Variants in SLC23A1 observed in about 807,000 individuals in gnomAD.
SLC23A1 encodes the protein Na(+)/L-ascorbic acid transporter 1.
In SLC23A1, 31 loss-of-function variants were observed where a neutral mutation model predicts 62.5. The ratio of observed to expected loss-of-function variants is 0.50; its 90% CI spans 0.37 to 0.67. The LOEUF is 0.67. Ranked by LOEUF, SLC23A1 falls within the 30% of genes least tolerant of loss-of-function variation. The probability of loss-of-function intolerance (pLI) is 0.00; values close to 1 mark genes in which losing one functional copy is unlikely to be tolerated. For synonymous variants in SLC23A1, 271 were observed against 313.2 expected, an observed-to-expected ratio of 0.87 and a Z score of 1.42; for missense variants, 640 against 782.7, an observed-to-expected ratio of 0.82 and a Z score of 2.18.
At chr5:139,368,086 A>G (rs1022972450) in intron 14 of SLC23A1, among the ~76,000 whole-genome samples, 1 of 152,234 alleles carries the variant, frequency 6.6e-6, no homozygotes, top group African/African-American at 2.4e-5. Context: ...CTGTAATCCC[A>G]GCACTTTGGG....
rs2152070139 is a variant in SLC23A1, at chr5:139,379,183, T to C, written c.1073+24A>G. 1 of 1,613,116 alleles carries C rather than the reference T, an allele frequency of 6.2e-7. No individual in the cohort carries two copies. Among genetic ancestry groups the C allele is most frequent in the Non-Finnish European group, 8.5e-7 (1 of 1,179,276 alleles). On this transcript the variant is annotated intron_variant, in intron 9 of 14. Coordinates refer to ENST00000348729, the MANE Select transcript of SLC23A1 (RefSeq NM_005847.5). This position sits in a 1 kb window ranked among gnomAD's most constrained non-coding sequence, Gnocchi z 4.7. ...CTGGGTGGCGCCTGAGGAGATCAGA[T>C]ACTGAGGAGGGCAGGTAGGCTACCT... is the stretch of plus-strand genomic sequence containing the variant.
At chr5:139,383,355 T>C (rs1758384784), upstream of SLC23A1, 13 of 1,545,564 alleles carry the variant, frequency 8.4e-6, no homozygotes, top group Non-Finnish European at 1.8e-6. Flanking sequence ...TTGTTTGAAG[T>C]AAATCTGTAA....
At chr5:139,372,834 T>C (rs568157879) in intron 13 of SLC23A1, among the ~76,000 whole-genome samples, 8 of 152,200 alleles carry the variant, frequency 5.3e-5, no homozygotes, top group South Asian at 2.1e-4. Flanking sequence ...CTGCCTGGCT[T>C]GGCCTCCCAA....
chr5:139,370,503 T>TTTAC (rs1393056295), intron 14 of SLC23A1, among the ~76,000 whole-genome samples: 6 of 140,234 alleles, frequency 4.3e-5, no homozygotes, highest in Non-Finnish European at 3.0e-5. Flanking sequence ...TATTTATTTA[T>TTTAC]TTATTTTCAA....
intron 13 of SLC23A1, 129 bp from the exon 14 acceptor site, chr5:139,372,382 G>A (rs750968594): frequency 5.7e-4 from 504 of 876,702 alleles, no homozygotes; most frequent in Non-Finnish European, 7.8e-4. Context: ...GTCCTAAAAC[G>A]TGGCTGAATC....
chr5:139,382,800 G>A (rs919185340), intron 1 of SLC23A1, among the ~76,000 whole-genome samples, 195 bp from the exon 2 acceptor site: 5 of 152,192 alleles, frequency 3.3e-5, no homozygotes, highest in Admixed American at 6.5e-5. Flanking sequence ...ATTGCTTCCC[G>A]CAGGGATGAG....
At chr5:139,370,636 C>T (rs1006836991) in intron 14 of SLC23A1, among the ~76,000 whole-genome samples, 2 of 151,782 alleles carry the variant, frequency 1.3e-5, no homozygotes, top group Admixed American at 1.3e-4. Context: ...GGATTACAGG[C>T]GCCTACCACC....
At chr5:139,373,904 A>T (rs2152065615) in intron 13 of SLC23A1, among the ~76,000 whole-genome samples, 1 of 152,308 alleles carries the variant, frequency 6.6e-6, no homozygotes, top group South Asian at 2.1e-4. Flanking sequence ...GCCAAGACAC[A>T]CATGGCAGCC....
At position 139,377,329 on chromosome 5, in the gene SLC23A1, AG is replaced by A. The variant is rs1212912089; in HGVS notation, c.1549+72del. 1.5e-5 allele frequency: 13 copies of A among 840,122 alleles called. No homozygotes were observed. The African/African-American group carries it at 2.0e-4, about 13-fold the overall frequency. 52.0% of individuals were successfully genotyped at this position (840,122 alleles called of 1,614,324 possible). ...GCATGGGACCTAACCACACAGCTCC[AG>A]CTCAGAGGCCATCTGTTGGAGTGCA... On this transcript the variant is annotated intron_variant, in intron 13 of 14. Coordinates refer to ENST00000348729, the MANE Select transcript of SLC23A1 (RefSeq NM_005847.5).
At chr5:139,383,062 C>T (rs192362559) in intron 1 of SLC23A1, among the ~76,000 whole-genome samples, 156 bp downstream of exon 1, 1 of 152,290 alleles carries the variant, frequency 6.6e-6, no homozygotes, top group East Asian at 1.9e-4. Context: ...CCCCCACCTC[C>T]ACCCATCCCC....
chr5:139,368,901 T>TA lies in SLC23A1; in HGVS notation c.*20-1271dup. 4.9e-6 allele frequency: 4 copies of TA among 823,930 alleles called. No homozygotes were observed. The South Asian group carries it at 6.5e-5, about 13-fold the overall frequency. The allele number at this position is 823,930 out of a possible 1,614,324, so 51.0% of individuals were successfully genotyped here. ...AGCTCTCTTGTCACTGTGTTACACT[T>TA]ATGCATTGCCAAAGTTTTTGTTAGT... On this transcript the variant is annotated intron_variant, in intron 14 of 14. Transcript: ENST00000348729.
chr5:139,378,604 T>C lies in SLC23A1; in HGVS notation c.1154A>G (p.Asn385Ser), dbSNP rs1758071319. The C allele has an allele frequency of 1.2e-6, 2 of 1,610,908 alleles. No homozygotes were observed. The highest frequency in any genetic ancestry group is 1.3e-5 in the African/African-American group (1 of 74,954). Residue 385 changes from asparagine (N) to serine (S), a missense_variant, in exon 10 of 15, where the codon AAC becomes AGC. Coordinates refer to ENST00000348729, the MANE Select transcript of SLC23A1 (RefSeq NM_005847.5). The surrounding 1 kb of genome is among the most constrained non-coding windows in gnomAD (Gnocchi z 4.5). ...TGNGSTSSSP[N>S]IGVLGITKVG... ...CTTGGTAATTCCCAGGACGCCAATG[T>C]TGGGACTGGACGAGGTGGACCCGTT...
intron 13 of SLC23A1, among the ~76,000 whole-genome samples, chr5:139,376,949 C>T (rs1757976364): frequency 1.3e-5 from 2 of 152,044 alleles, no homozygotes; most frequent in Non-Finnish European, 2.9e-5. Context: ...TGGTGAAACC[C>T]CATCTCTACC....
In SLC23A1 at chr5:139,380,401, A is replaced by G. The variant is rs2152071465; in HGVS notation, c.466-12T>C. ...ATTGCACCCTGGACCTGGAAGGGCA[A>G]ACATCAGCCGTAAGTCACCATGTAA... On this transcript the variant is annotated splice_polypyrimidine_tract_variant and intron_variant, in intron 5 of 14. Transcript: ENST00000348729. 6.2e-7 allele frequency: 1 copy of G among 1,613,432 alleles called. No individual in the cohort carries two copies. Among genetic ancestry groups the G allele is most frequent in the East Asian group, 2.2e-5 (1 of 44,878 alleles).
chr5:139,368,634 C>A, intron 14 of SLC23A1: 1 of 649,874 alleles, frequency 1.5e-6, no homozygotes, highest in South Asian at 2.0e-5. Context: ...GTTCTTTTGT[C>A]TTTTTTTTTT....
In SLC23A1 at chr5:139,378,185, C is replaced by T. The variant is rs1419516969; in HGVS notation, c.1309+37G>A. ...AATCCAGGTGAGTCCCACTCGGCGA[C>T]CCGCACCGCGACCCGTGGCCCGCGC... On this transcript the variant is annotated intron_variant, in intron 11 of 14. Coordinates refer to ENST00000348729, the MANE Select transcript of SLC23A1 (RefSeq NM_005847.5). The surrounding 1 kb of genome is among the most constrained non-coding windows in gnomAD (Gnocchi z 4.5). 4.3e-6 allele frequency: 7 copies of T among 1,612,914 alleles called. No individual in the cohort carries two copies. Among genetic ancestry groups the T allele is most frequent in the Admixed American group, 1.7e-5 (1 of 59,914 alleles).
intron 14 of SLC23A1, among the ~76,000 whole-genome samples, chr5:139,370,623 C>T (rs1329160570): frequency 6.6e-6 from 1 of 151,852 alleles, no homozygotes; most frequent in Non-Finnish European, 1.5e-5. Context: ...CCTCAAGTAG[C>T]TGGGATTACA....
At chr5:139,376,510 A>C (rs1435797131) in intron 13 of SLC23A1, among the ~76,000 whole-genome samples, 1 of 152,140 alleles carries the variant, frequency 6.6e-6, no homozygotes, top group Non-Finnish European at 1.5e-5. Flanking sequence ...GTGGTTTTTG[A>C]GGATGAAGTA....
Position 139,380,610 on chromosome 5 carries a change from A to G in SLC23A1, c.420T>C (p.Ser140=). 1 of 1,613,828 alleles carries G rather than the reference A, an allele frequency of 6.2e-7. No individual in the cohort carries two copies. Among genetic ancestry groups the G allele is most frequent in the Non-Finnish European group, 8.5e-7 (1 of 1,179,794 alleles). ...AAATATGAGAGGTGTTCAGGGGCAG[A>G]CTCCAGTTACCGTAGATCTCCTCTG... The part of the protein sequence containing the change: ...PPEEEIYGNW[S]LPLNTSHIWH... Residue 140 remains serine (S), a synonymous_variant, in exon 5 of 15, where the codon AGT becomes AGC. Coordinates refer to ENST00000348729, the MANE Select transcript of SLC23A1 (RefSeq NM_005847.5).
Sources: gnomAD v4.1 joint callset for allele counts (sites outside exome capture counted in the v4.1 genomes callset) on GRCh38, gnomAD v4.1.1 for gene constraint, Gnocchi (gnomAD v3.1) non-coding constraint, MANE v1.5 for transcripts, NCBI Gene and HGNC (gene_info 2026-07-23, HGNC 2026-07-21) for gene names.